Variants in DLGAP1 observed in about 807,000 individuals in gnomAD.
DLGAP1 encodes the protein DLG associated protein 1.
A neutral mutation model predicts 90.8 loss-of-function variants in DLGAP1; 11 were observed. The observed-to-expected ratio is 0.12, with a 90% CI of 0.08 to 0.20. DLGAP1 has a LOEUF of 0.20. Ranked by LOEUF, DLGAP1 falls within the 10% of genes least tolerant of loss-of-function variation. The probability of loss-of-function intolerance (pLI) is 1.00; values close to 1 mark genes in which losing one functional copy is unlikely to be tolerated. For synonymous variants in DLGAP1, 558 were observed against 540.7 expected (o/e 1.03, Z -0.44); for missense variants, 1,050 against 1,333.8 (o/e 0.79, Z 3.31).
intron 1 of DLGAP1, among the ~76,000 whole-genome samples, chr18:4,333,269 A>C (rs1379045415): frequency 1.3e-5 from 2 of 151,004 alleles, no homozygotes; most frequent in Admixed American, 6.6e-5. Context: ...TTACAGGTTT[A>C]CGGCAGTTGG....
intron 1 of DLGAP1, among the ~76,000 whole-genome samples, chr18:4,155,907 G>A (rs924519673): frequency 6.6e-6 from 1 of 152,170 alleles, no homozygotes; most frequent in Non-Finnish European, 1.5e-5. Context: ...CAGGATGCAG[G>A]TAGCTGGAAA....
At chr18:3,673,049 G>A (rs1010065277) in intron 7 of DLGAP1, among the ~76,000 whole-genome samples, 1 of 152,186 alleles carries the variant, frequency 6.6e-6, no homozygotes, top group African/African-American at 2.4e-5. Flanking sequence ...CTGGCAAAAG[G>A]ATAAAGTTCA....
intron 2 of DLGAP1, among the ~76,000 whole-genome samples, chr18:4,054,505 C>T (rs1037124322): frequency 7.2e-5 from 11 of 152,240 alleles, no homozygotes; most frequent in African/African-American, 2.6e-4. Flanking sequence ...AACTACACAA[C>T]AGTACACATA....
intron 5 of DLGAP1, among the ~76,000 whole-genome samples, chr18:3,768,252 G>C (rs544734308): frequency 2.0e-5 from 3 of 152,016 alleles, no homozygotes; most frequent in Non-Finnish European, 4.4e-5. Context: ...AAATATGTTC[G>C]GATCTGGTGA....
At chr18:4,081,170 G>A (rs900909474) in intron 2 of DLGAP1, among the ~76,000 whole-genome samples, 1 of 152,090 alleles carries the variant, frequency 6.6e-6, no homozygotes, top group Non-Finnish European at 1.5e-5. Context: ...TTAGAAGTGT[G>A]AGCCACTGTG....
intron 1 of DLGAP1, among the ~76,000 whole-genome samples, chr18:4,349,400 A>G (rs970354444): frequency 6.6e-6 from 1 of 152,170 alleles, no homozygotes; most frequent in Non-Finnish European, 1.5e-5. Flanking sequence ...AAGTAAATGC[A>G]GTCGGTGATC....
chr18:4,022,426 A>ACAC (rs2074628251), intron 2 of DLGAP1, among the ~76,000 whole-genome samples: 1 of 119,412 alleles, frequency 8.4e-6, no homozygotes, highest in African/African-American at 3.1e-5. Flanking sequence ...CACACACACC[A>ACAC]CACACACACA....
chr18:3,663,806 G>A (rs1029412153), intron 7 of DLGAP1, among the ~76,000 whole-genome samples: 1 of 152,186 alleles, frequency 6.6e-6, no homozygotes, highest in African/African-American at 2.4e-5. Context: ...AACTTGACTG[G>A]GCCATGAGGT....
intron 5 of DLGAP1, among the ~76,000 whole-genome samples, chr18:3,748,867 A>C (rs1195898021): frequency 1.3e-5 from 2 of 152,246 alleles, no homozygotes; most frequent in African/African-American, 4.8e-5. Flanking sequence ...AACCTTACCT[A>C]TAATGGCTTT....
At position 3,752,634 on chromosome 18, in the gene DLGAP1, C is replaced by T. The variant is rs181996471; in HGVS notation, c.1173-10122G>A. ...TCTTTCTCCCTCTCCCCCTCCCCACCCCCCTCTCTCTCTCTCCTTCCTTTT... is the reference window on the plus strand; with the variant it reads ...TCTTTCTCCCTCTCCCCCTCCCCACTCCCCTCTCTCTCTCTCCTTCCTTTT... On this transcript the variant is annotated intron_variant, in intron 5 of 12. Transcript: ENST00000315677. 3.2e-4 allele frequency among the ~76,000 whole-genome samples: 47 copies of T among 145,184 alleles called. 1 individual carries two copies. Among genetic ancestry groups the T allele is most frequent in the South Asian group, 3.2e-3 (14 of 4,342 alleles).
At chr18:3,747,201 A>T (rs951434792) in intron 5 of DLGAP1, among the ~76,000 whole-genome samples, 6 of 152,188 alleles carry the variant, frequency 3.9e-5, no homozygotes, top group African/African-American at 1.4e-4. Flanking sequence ...AATATAAAAA[A>T]GTAAAAGAAA....
intron 1 of DLGAP1, among the ~76,000 whole-genome samples, chr18:4,406,716 A>C (rs1411072557): frequency 6.6e-6 from 1 of 152,202 alleles, no homozygotes; most frequent in African/African-American, 2.4e-5. Flanking sequence ...GGAATGAATT[A>C]GAGGACAACC....
At chr18:4,316,856 A>G (rs1383636477) in intron 1 of DLGAP1, among the ~76,000 whole-genome samples, 1 of 152,064 alleles carries the variant, frequency 6.6e-6, no homozygotes, top group African/African-American at 2.4e-5. Flanking sequence ...CCATGTCCAT[A>G]TCCCTGCTGA....
At chr18:3,568,562 T>G (rs2054567445) in intron 8 of DLGAP1, among the ~76,000 whole-genome samples, 1 of 152,088 alleles carries the variant, frequency 6.6e-6, no homozygotes, top group African/African-American at 2.4e-5. Context: ...ATGTAAGTTA[T>G]ATAAAATTAA....
intron 4 of DLGAP1, chr18:3,874,751 C>T (rs1204991443): frequency 6.7e-7 from 1 of 1,494,474 alleles, no homozygotes. Context: ...GGCAGCGGTA[C>T]AATAGTTCTA....
intron 7 of DLGAP1, among the ~76,000 whole-genome samples, chr18:3,684,656 A>G (rs1450180166): frequency 6.6e-6 from 1 of 152,188 alleles, no homozygotes; most frequent in African/African-American, 2.4e-5. Context: ...AAGAAAAGAC[A>G]ACGGGGTTGG....
intron 1 of DLGAP1, among the ~76,000 whole-genome samples, chr18:4,274,748 C>T (rs975467555): frequency 3.9e-5 from 6 of 152,060 alleles, no homozygotes; most frequent in Non-Finnish European, 4.4e-5. Flanking sequence ...TTGAAAACCC[C>T]GCTTTTAGTA....
At chr18:3,680,827 C>T (rs1196069117) in intron 7 of DLGAP1, among the ~76,000 whole-genome samples, 2 of 150,018 alleles carry the variant, frequency 1.3e-5, no homozygotes, top group African/African-American at 2.5e-5. Flanking sequence ...TACTGTTTGA[C>T]TCATGACTCA....
intron 4 of DLGAP1, among the ~76,000 whole-genome samples, chr18:3,843,821 C>T (rs2068854329): frequency 6.6e-6 from 1 of 152,140 alleles, no homozygotes; most frequent in Non-Finnish European, 1.5e-5. Context: ...AAATTCCATT[C>T]CACATTCCTA....
Sources: allele counts gnomAD v4.1 joint callset (sites outside exome capture counted in the v4.1 genomes callset), GRCh38; gene constraint gnomAD v4.1.1; transcripts MANE v1.5; gene names NCBI Gene and HGNC (gene_info 2026-07-23, HGNC 2026-07-21).